Variants in CADM2 observed in about 807,000 individuals in gnomAD.
CADM2 encodes the protein immunoglobulin superfamily member 4D.
A neutral mutation model predicts 49.8 loss-of-function variants in CADM2; 12 were observed. That is an observed-to-expected ratio of 0.24 (90% CI 0.15 to 0.39). CADM2 has a LOEUF of 0.39. CADM2 is among the 10% of genes least tolerant of loss of function. The probability of loss-of-function intolerance (pLI) is 1.00; values close to 1 mark genes in which losing one functional copy is unlikely to be tolerated. For synonymous variants in CADM2, 214 were observed against 175.4 expected (o/e 1.22, Z -1.74); for missense variants, 378 against 492.3 (o/e 0.77, Z 2.20).
chr3:85,664,683 T>C (rs2065512586), intron 1 of CADM2, among the ~76,000 whole-genome samples: 1 of 152,016 alleles, frequency 6.6e-6, no homozygotes, highest in Non-Finnish European at 1.5e-5. Flanking sequence ...AGTGCTTCTT[T>C]AAATATACAA....
intron 6 of CADM2, among the ~76,000 whole-genome samples, chr3:85,927,431 T>C (rs1037058014): frequency 6.6e-6 from 1 of 152,158 alleles, no homozygotes; most frequent in Non-Finnish European, 1.5e-5. Context: ...TGTCACAATG[T>C]AAAATGTTAT....
At chr3:86,010,786 TAGTTA>T (rs1270987459) in intron 8 of CADM2, among the ~76,000 whole-genome samples, 1 of 151,624 alleles carries the variant, frequency 6.6e-6, no homozygotes, top group Non-Finnish European at 1.5e-5. Context: ...CTAGAATCAC[TAGTTA>T]ATCCAACTAA....
At chr3:85,958,958 A>G (rs913080379) in intron 7 of CADM2, among the ~76,000 whole-genome samples, 1 of 151,658 alleles carries the variant, frequency 6.6e-6, no homozygotes, top group Non-Finnish European at 1.5e-5. Context: ...GGAAAACACC[A>G]TGGTACAAGT....
At chr3:85,136,394 A>G (rs962765905) in intron 1 of CADM2, among the ~76,000 whole-genome samples, 1 of 151,760 alleles carries the variant, frequency 6.6e-6, no homozygotes, top group African/African-American at 2.4e-5. Flanking sequence ...CACCTGTTAC[A>G]TGGTGTTGAA....
At chr3:85,327,076 C>A (rs1241846021) in intron 1 of CADM2, among the ~76,000 whole-genome samples, 1 of 148,376 alleles carries the variant, frequency 6.7e-6, no homozygotes, top group Non-Finnish European at 1.5e-5. Flanking sequence ...ATTTGTTTTG[C>A]CTTTTTAACT....
chr3:85,965,583 C>G (rs1258412069), intron 8 of CADM2, among the ~76,000 whole-genome samples: 1 of 151,374 alleles, frequency 6.6e-6, no homozygotes, highest in Non-Finnish European at 1.5e-5. Flanking sequence ...TGAGAAAACT[C>G]TAATTTTTTT....
At chr3:85,956,116 T>C (rs1329337430) in intron 7 of CADM2, among the ~76,000 whole-genome samples, 2 of 151,658 alleles carry the variant, frequency 1.3e-5, no homozygotes, top group Non-Finnish European at 3.0e-5. Context: ...TCATGTAAAG[T>C]GGCGTAACGT....
chr3:85,692,789 G>A lies in CADM2; in HGVS notation c.62-33733G>A, dbSNP rs1037588718. Among the ~76,000 whole-genome samples, 14 of 152,192 alleles carry A rather than the reference G, an allele frequency of 9.2e-5. 1 individual carries two copies. Among genetic ancestry groups the A allele is most frequent in the South Asian group, 2.1e-4 (1 of 4,816 alleles). ...TTTTATCACATAAGAAATATTTAGC[G>A]TGTAGCCCTACTTCAACACTTATCC... is the stretch of plus-strand genomic sequence containing the variant. On this transcript the variant is annotated intron_variant, in intron 1 of 9. Coordinates refer to ENST00000383699, the MANE Select transcript of CADM2 (RefSeq NM_001167675.2).
At chr3:85,221,931 A>G (rs1445638313) in intron 1 of CADM2, among the ~76,000 whole-genome samples, 2 of 152,140 alleles carry the variant, frequency 1.3e-5, no homozygotes, top group South Asian at 2.1e-4. Flanking sequence ...AAAATATAGC[A>G]TCCTAGTAAA....
intron 1 of CADM2, among the ~76,000 whole-genome samples, chr3:85,018,259 A>T (rs2034336094): frequency 6.6e-6 from 1 of 152,228 alleles, no homozygotes; most frequent in Non-Finnish European, 1.5e-5. Context: ...TGTGCAAATT[A>T]AATGAAAACA....
rs530486685 is a variant in CADM2 at position 85,162,185 on chromosome 3, G to A, written c.61+202517G>A. ...TGCTTACATTCGAGGGTGTGGATGG[G>A]TTTTTACAGTTTAATTTTTTAGTGC... On this transcript the variant is annotated intron_variant, in intron 1 of 9. Coordinates refer to ENST00000383699, the MANE Select transcript of CADM2 (RefSeq NM_001167675.2). 1.5e-3 allele frequency among the ~76,000 whole-genome samples: 229 copies of A among 152,150 alleles called. 2 individuals are homozygous for A. In the Middle Eastern group the frequency reaches 0.02, roughly 14 times the overall value.
At chr3:85,563,411 T>TTGGG (rs1553742867) in intron 1 of CADM2, among the ~76,000 whole-genome samples, 1 of 142,044 alleles carries the variant, frequency 7.0e-6, no homozygotes, top group East Asian at 2.2e-4. Context: ...TGTGTGTGTG[T>TTGGG]GGGGGGGTGG....
chr3:85,761,171 G>A (rs1202712872), intron 2 of CADM2, among the ~76,000 whole-genome samples: 3 of 151,894 alleles, frequency 2.0e-5, no homozygotes, highest in Non-Finnish European at 4.4e-5. Flanking sequence ...ATCTTTGATT[G>A]GACTATTTTG....
In CADM2 at chr3:85,753,721, G is replaced by C. The variant is rs539492141; in HGVS notation, c.88+27173G>C. 3.9e-5 allele frequency among the ~76,000 whole-genome samples: 6 copies of C among 152,274 alleles called. No homozygotes were observed. The South Asian group carries it at 1.2e-3, about 32-fold the overall frequency. The stretch of plus-strand genomic sequence containing the variant: ...GAGTACAAAGCGTGCAGTAAGGGTA[G>C]AGAAAATTATGACACCTGTTCTGAT... On this transcript the variant is annotated intron_variant, in intron 2 of 9. Coordinates refer to ENST00000383699, the MANE Select transcript of CADM2 (RefSeq NM_001167675.2).
chr3:85,059,490 ATATT>A (rs1263831707), intron 1 of CADM2, among the ~76,000 whole-genome samples: 1 of 152,130 alleles, frequency 6.6e-6, no homozygotes. Context: ...ATCAAAGAAA[ATATT>A]TATTCCTGGT....
rs560531904 is a variant in CADM2, at chr3:85,757,586, G to A, written c.88+31038G>A. Among the ~76,000 whole-genome samples, 5 of 152,158 alleles carry A rather than the reference G, an allele frequency of 3.3e-5. No individual in the cohort carries two copies. The South Asian group carries it at 1.0e-3, about 32-fold the overall frequency. The stretch of plus-strand genomic sequence containing the variant: ...CACTAAAATACGAGGAGTGATAAAG[G>A]CTAAAATTTCAAAGCTTAATAGAAG... On this transcript the variant is annotated intron_variant, in intron 2 of 9. Coordinates refer to ENST00000383699, the MANE Select transcript of CADM2 (RefSeq NM_001167675.2).
At chr3:85,704,855 T>C (rs1210516924) in intron 1 of CADM2, among the ~76,000 whole-genome samples, 3 of 149,626 alleles carry the variant, frequency 2.0e-5, no homozygotes, top group Non-Finnish European at 4.4e-5. Context: ...TATTTATTTA[T>C]TATTATTATT....
chr3:85,370,032 C>G lies in CADM2; in HGVS notation c.62-356490C>G, dbSNP rs560272769. Among the ~76,000 whole-genome samples the G allele has an allele frequency of 1.4e-3, 211 of 151,582 alleles. No homozygotes were observed. The Middle Eastern group carries it at 0.017, about 12-fold the overall frequency. On this transcript the variant is annotated intron_variant, in intron 1 of 9. Transcript: ENST00000383699. ...AGATATGTTTATCCAAAAGGAATGT[C>G]AAAAACCCCGTGTCTACTAAAAATA...
intron 1 of CADM2, among the ~76,000 whole-genome samples, chr3:85,579,125 G>A (rs2062723599): frequency 1.3e-5 from 2 of 151,972 alleles, no homozygotes; most frequent in Non-Finnish European, 2.9e-5. Flanking sequence ...TAATATCTAA[G>A]GAAACTAATT....
Sources: allele counts gnomAD v4.1 joint callset (sites outside exome capture counted in the v4.1 genomes callset), GRCh38; gene constraint gnomAD v4.1.1; transcripts MANE v1.5; gene names NCBI Gene and HGNC (gene_info 2026-07-23, HGNC 2026-07-21).